The following PLEC variants were observed in gnomAD, a reference collection of about 807,000 sequenced individuals.
PLEC encodes the protein plectin, also known as hemidesmosomal protein 1.
In PLEC, 216 loss-of-function variants were observed where a neutral mutation model predicts 392.8. That is an observed-to-expected ratio of 0.55 (90% confidence interval 0.49 to 0.62). PLEC has a LOEUF of 0.62. Among genes scored for constraint, PLEC ranks in the 20% least tolerant of loss-of-function variants. The pLI is 0.00. For synonymous variants in PLEC, 3,621 were observed against 2,980.6 expected, an observed-to-expected ratio of 1.21 and a Z score of -7.00; for missense variants, 6,863 against 6,563.4, an observed-to-expected ratio of 1.05 and a Z score of -1.58.
In PLEC at chr8:143,921,450, C is replaced by T. The variant is rs529109624; in HGVS notation, c.8371G>A (p.Ala2791Thr). ...CGGACGATGAGGCCCTTCTGCATGG[C>T]TTGGAAGAGAGAGATCTGCTGGCCA... ...YTGQQISLFQ[A>T]MQKGLIVREH... Residue 2791 changes from alanine (A) to threonine (T), a missense_variant, in exon 32 of 32, where the codon GCC becomes ACC. Coordinates refer to ENST00000345136, the MANE Select transcript of PLEC (RefSeq NM_201384.3). The T allele has an allele frequency of 1.7e-5, 28 of 1,613,364 alleles. No homozygotes were observed. The highest frequency in any genetic ancestry group is 2.2e-5 in the Non-Finnish European group (26 of 1,179,834).
At chr8:143,937,336 G>T in intron 3 of PLEC, 94 bp from the exon 4 acceptor site, 1 of 934,820 alleles carries the variant, frequency 1.1e-6, no homozygotes, top group South Asian at 1.3e-5. Flanking sequence ...CCGAGCCAAG[G>T]GTCTTCCCCA....
intron 16 of PLEC, 60 bp downstream of exon 16, chr8:143,932,340 C>T (rs998505532): frequency 1.9e-5 from 31 of 1,608,998 alleles, no homozygotes; most frequent in African/African-American, 9.3e-5. Context: ...CCATAGGGGA[C>T]GGCCAGGGCA....
In PLEC at chr8:143,924,432, G is replaced by A. The variant is rs781925230; in HGVS notation, c.5497C>T (p.Arg1833Trp). 17 of 1,581,608 alleles carry A rather than the reference G, an allele frequency of 1.1e-5. No individual in the cohort carries two copies. The highest frequency in any genetic ancestry group is 1.4e-5 in the Non-Finnish European group (16 of 1,171,798). Reference sequence around the variant, plus strand: ...GCGGCCAGCTTCTCCGCAAGCACCCGCTCCGCCTCGGCCCGCTGCCGCGCC... The same window carrying A: ...GCGGCCAGCTTCTCCGCAAGCACCCACTCCGCCTCGGCCCGCTGCCGCGCC... ...DAARQRAEAERVLAEKLAAIG... is the reference protein window; with the variant it reads ...DAARQRAEAEWVLAEKLAAIG... Residue 1833 changes from arginine to tryptophan, a missense_variant, in exon 31 of 32, where the codon CGG becomes TGG. By Grantham distance (101) the Arg-to-Trp change is moderately radical. Transcript: ENST00000345136.
Position 143,925,589 on chromosome 8 carries a change from C to T in PLEC, c.4340G>A (p.Arg1447Gln), listed in dbSNP as rs375600751. ...GCGGATCTCCTCCTCGATGCGCAGCCGGCTGCGCTCAGCCGCCTCTGCCTG... is the reference window on the plus strand; with the variant it reads ...GCGGATCTCCTCCTCGATGCGCAGCTGGCTGCGCTCAGCCGCCTCTGCCTG... ...ARQAEAAERS[R>Q]LRIEEEIRVV... is the part of the protein sequence containing the mutation. The change falls in exon 31 of 32, where the codon CGG (arginine) becomes CAG (glutamine). Residue 1447 changes from arginine (R) to glutamine (Q), a missense_variant. Coordinates refer to ENST00000345136, the MANE Select transcript of PLEC (RefSeq NM_201384.3). 8.9e-6 allele frequency: 14 copies of T among 1,572,942 alleles called. No individual in the cohort carries two copies. The highest frequency in any genetic ancestry group is 6.8e-5 in the South Asian group (6 of 88,162).
chr8:143,942,169 C>G (rs1298254696), upstream of PLEC, among the ~76,000 whole-genome samples: 1 of 152,146 alleles, frequency 6.6e-6, no homozygotes, highest in Non-Finnish European at 1.5e-5. Context: ...CCCCTCCAGC[C>G]CCGCCCCCTC....
chr8:143,935,165 G>A, intron 7 of PLEC, 33 bp downstream of exon 7: 2 of 1,611,370 alleles, frequency 1.2e-6, no homozygotes, highest in Non-Finnish European at 1.7e-6. Flanking sequence ...GGCAGCAGGG[G>A]AAGGGACAGG....
Position 143,925,237 on chromosome 8 carries a change from C to A in PLEC, c.4692G>T (p.Gln1564His), listed in dbSNP as rs1824596516. 1 of 1,589,590 alleles carries A rather than the reference C, an allele frequency of 6.3e-7. No individual in the cohort carries two copies. Among genetic ancestry groups the A allele is most frequent in the Non-Finnish European group, 8.5e-7 (1 of 1,175,928 alleles). Residue 1564 changes from glutamine (Q) to histidine (H), a missense_variant, in exon 31 of 32, where the codon CAG becomes CAT. Coordinates refer to ENST00000345136, the MANE Select transcript of PLEC (RefSeq NM_201384.3). Reference sequence around the variant, plus strand: ...TGCGCTGCGCCGTCTCCAGGGCCACCTGTACCTGCCGCGCTCGCTCCACCT... The same window carrying A: ...TGCGCTGCGCCGTCTCCAGGGCCACATGTACCTGCCGCGCTCGCTCCACCT... ...QAEVERARQV[Q>H]VALETAQRSA...
Position 143,918,311 on chromosome 8 carries a change from A to G in PLEC, c.11510T>C (p.Leu3837Pro). ...GCTGCGCACCTCGCTGGGCTCTGAC[A>G]GCTGGTCGTGCGTGTCCTTGTTGAG... ...GYLNKDTHDQ[L>P]SEPSEVRSYV... The change falls in exon 32 of 32, where the codon CTG becomes CCG. Residue 3837 changes from leucine to proline, a missense_variant. Leu to Pro is a moderately conservative substitution (Grantham distance 98, BLOSUM62 -3). Transcript: ENST00000345136. The G allele has an allele frequency of 6.3e-7, 1 of 1,590,888 alleles. No homozygotes were observed. Among genetic ancestry groups the G allele is most frequent in the Non-Finnish European group, 8.5e-7 (1 of 1,175,848 alleles).
chr8:143,921,967 C>G lies in PLEC; in HGVS notation c.7854G>C (p.Ser2618=). The G allele has an allele frequency of 6.3e-7, 1 of 1,598,820 alleles. No individual in the cohort carries two copies. The highest frequency in any genetic ancestry group is 8.5e-7 in the Non-Finnish European group (1 of 1,179,758). ...GCAGGGTCTTTGTGGCAGCCACCTG[C>G]GAGGCAGTGACCTCCTCTGAGTGCG... ...ALAHSEEVTA[S]QVAATKTLPN... is the part of the protein sequence containing the mutation. Residue 2618 remains serine (S), a synonymous_variant, in exon 32 of 32, where the codon TCG becomes TCC. Transcript: ENST00000345136.
upstream of PLEC, chr8:143,953,890 C>A: frequency 2.0e-6 from 3 of 1,514,038 alleles, no homozygotes; most frequent in Non-Finnish European, 1.8e-6. Flanking sequence ...GCAGGGCTTG[C>A]CGGCCAGGGG....
intron 17 of PLEC, 34 bp downstream of exon 17, chr8:143,932,096 C>G (rs1554716294): frequency 8.8e-6 from 14 of 1,583,154 alleles, no homozygotes; most frequent in Non-Finnish European, 1.2e-5. Context: ...GCACGGCCCC[C>G]CCCGCAGCCC....
At chr8:143,975,678 A>G (rs568436988), upstream of PLEC, among the ~76,000 whole-genome samples, 15 of 150,858 alleles carry the variant, frequency 9.9e-5, no homozygotes, top group South Asian at 3.2e-3. The surrounding 1 kb of genome is among the most constrained non-coding windows in gnomAD (Gnocchi z 9.9). Context: ...CATCACCAGG[A>G]CACTGACCAC....
chr8:143,930,622 G>T, intron 19 of PLEC, 86 bp from the exon 20 acceptor site: 1 of 1,411,288 alleles, frequency 7.1e-7, no homozygotes, highest in Non-Finnish European at 9.7e-7. Flanking sequence ...GACCAGGCCT[G>T]TGGGGCCCTC....
At chr8:143,931,896 CT>C (rs782818989) in intron 18 of PLEC, 40 bp downstream of exon 18, 26 of 1,551,732 alleles carry the variant, frequency 1.7e-5, no homozygotes, top group Non-Finnish European at 2.1e-5. Flanking sequence ...TCCTGCAAGG[CT>C]GCCGCTGAGC....
Position 143,932,963 on chromosome 8 carries a change from G to T in PLEC, c.1567C>A (p.Arg523Ser). 4 of 1,612,356 alleles carry T rather than the reference G, an allele frequency of 2.5e-6. No homozygotes were observed. The highest frequency in any genetic ancestry group is 3.4e-6 in the Non-Finnish European group (4 of 1,179,826). The change falls in exon 14 of 32, where the codon CGC (arginine) becomes AGC (serine). Residue 523 changes from arginine (R) to serine (S), a missense_variant. Coordinates refer to ENST00000345136, the MANE Select transcript of PLEC (RefSeq NM_201384.3). ...RRPELEDSTLRYLQDLLAWVE... is the reference protein window; with the variant it reads ...RRPELEDSTLSYLQDLLAWVE... Reference sequence around the variant, plus strand: ...CAGGCCAGCAGGTCCTGCAGGTAGCGCAGAGTGGAGTCCTCCAGCTCGGGG... The same window carrying T: ...CAGGCCAGCAGGTCCTGCAGGTAGCTCAGAGTGGAGTCCTCCAGCTCGGGG...
rs782517080 is a variant in PLEC at position 143,922,020 on chromosome 8, G to T, written c.7801C>A (p.Leu2601Met). 2.5e-6 allele frequency: 4 copies of T among 1,597,506 alleles called. No individual in the cohort carries two copies. The highest frequency in any genetic ancestry group is 3.4e-6 in the Non-Finnish European group (4 of 1,179,508). ...NQRLREQLQLLEEQHRAALAH... is the reference protein window; with the variant it reads ...NQRLREQLQLMEEQHRAALAH... ...AGCGCGGCCCGGTGCTGCTCCTCCA[G>T]GAGCTGCAGCTGCTCACGCAGCCTC... Residue 2601 changes from leucine (L) to methionine (M), a missense_variant, in exon 32 of 32, where the codon CTG becomes ATG. Coordinates refer to ENST00000345136, the MANE Select transcript of PLEC (RefSeq NM_201384.3).
chr8:143,925,060 C>T lies in PLEC; in HGVS notation c.4869G>A (p.Ala1623=), dbSNP rs782246479. The change falls in exon 31 of 32, where the codon GCG becomes GCA. Residue 1623 remains alanine (A), a synonymous_variant. Transcript: ENST00000345136. Reference sequence around the variant, plus strand: ...CCAGCTCCCGCTCTGCCTCCTCGCGCGCCCGCTCGGCCTCGGCCTGCTGCT... The same window carrying T: ...CCAGCTCCCGCTCTGCCTCCTCGCGTGCCCGCTCGGCCTCGGCCTGCTGCT... ...RAQQQAEAER[A]REEAERELER... 6.6e-5 allele frequency: 102 copies of T among 1,542,946 alleles called. No homozygotes were observed. The highest frequency in any genetic ancestry group is 1.2e-4 in the East Asian group (5 of 41,300).
Position 143,923,092 on chromosome 8 carries a change from C to G in PLEC, c.6837G>C (p.Glu2279Asp). 6.2e-7 allele frequency: 1 copy of G among 1,607,192 alleles called. No homozygotes were observed. The highest frequency in any genetic ancestry group is 8.5e-7 in the Non-Finnish European group (1 of 1,179,890). The stretch of plus-strand genomic sequence containing the variant: ...GGGCCGCCACACTCAGCCGCGCGGC[C>G]TCCTCCGCCACCTGCTTCATCTTCT... ...EAEKMKQVAE[E>D]AARLSVAAQE... The change falls in exon 31 of 32, where the codon GAG becomes GAC. Residue 2279 changes from glutamate (E) to aspartate (D), a missense_variant. Coordinates refer to ENST00000345136, the MANE Select transcript of PLEC (RefSeq NM_201384.3).
chr8:143,934,125 G>A, intron 11 of PLEC, 34 bp from the exon 12 acceptor site: 1 of 1,603,554 alleles, frequency 6.2e-7, no homozygotes, highest in African/African-American at 1.3e-5. Context: ...GGCCGCGTTG[G>A]CCGGGTCCGG....
Sources: gnomAD v4.1 joint callset for allele counts (sites outside exome capture counted in the v4.1 genomes callset) on GRCh38, gnomAD v4.1.1 for gene constraint, Gnocchi (gnomAD v3.1) non-coding constraint, MANE v1.5 for transcripts, NCBI Gene and HGNC (gene_info 2026-07-23, HGNC 2026-07-21) for gene names.